The following MAP4K5 variants were observed in gnomAD, a reference collection of about 807,000 sequenced individuals.
MAP4K5 encodes MAPK/ERK kinase kinase kinase 5.
MAP4K5 carries 82 observed loss-of-function variants against 135.6 expected under a neutral mutation model. The ratio of observed to expected loss-of-function variants is 0.60; its 90% CI spans 0.51 to 0.73. The LOEUF is 0.73. Ranked by LOEUF, MAP4K5 falls within the 30% of genes least tolerant of loss-of-function variation. The probability of loss-of-function intolerance (pLI) is 0.00; values close to 1 mark genes in which losing one functional copy is unlikely to be tolerated. For synonymous variants in MAP4K5, 347 were observed against 335.0 expected (o/e 1.04, Z -0.39); for missense variants, 907 against 1,010.9 (o/e 0.90, Z 1.39).
chr14:50,445,934 T>G (rs2036337059), intron 17 of MAP4K5, 145 bp downstream of exon 17: 1 of 483,988 alleles, frequency 2.1e-6, no homozygotes, highest in Non-Finnish European at 3.6e-6. Flanking sequence ...CTATATATTT[T>G]ACACCATCAT....
chr14:50,492,884 G>T (rs1261509301), intron 3 of MAP4K5, among the ~76,000 whole-genome samples: 1 of 151,734 alleles, frequency 6.6e-6, no homozygotes, highest in Non-Finnish European at 1.5e-5. Context: ...TATAAAGAAT[G>T]TAAGCCACGT....
chr14:50,509,879 C>T (rs921617990), intron 2 of MAP4K5, among the ~76,000 whole-genome samples: 60 of 152,140 alleles, frequency 3.9e-4, no homozygotes, highest in African/African-American at 1.4e-3. Flanking sequence ...TTTGAACATA[C>T]AGTATAAGTT....
intron 29 of MAP4K5, 148 bp downstream of exon 29, chr14:50,429,044 T>C: frequency 1.7e-6 from 1 of 584,480 alleles, no homozygotes; most frequent in South Asian, 2.6e-5. Context: ...TATTTAGCCA[T>C]AAGAGGTGAT....
At chr14:50,554,354 G>A (rs2038739556) in intron 1 of MAP4K5, among the ~76,000 whole-genome samples, 1 of 152,106 alleles carries the variant, frequency 6.6e-6, no homozygotes, top group South Asian at 2.1e-4. Flanking sequence ...TTTTTATGAT[G>A]TTTTGTATAC....
intron 2 of MAP4K5, among the ~76,000 whole-genome samples, chr14:50,526,671 T>C (rs888098662): frequency 1.3e-5 from 2 of 152,210 alleles, no homozygotes; most frequent in Non-Finnish European, 2.9e-5. Context: ...CCCCATATCC[T>C]AACACATTGT....
In MAP4K5 at chr14:50,434,876, T is replaced by C. The variant is rs1404208423; in HGVS notation, c.1986+86A>G. 5 of 739,520 alleles carry C rather than the reference T, an allele frequency of 6.8e-6. No homozygotes were observed. In the African/African-American group the frequency reaches 7.1e-5, roughly 10 times the overall value. 45.8% of individuals were successfully genotyped at this position (739,520 alleles called of 1,614,324 possible). On this transcript the variant is annotated intron_variant, in intron 27 of 32. Coordinates refer to ENST00000682126, the MANE Select transcript of MAP4K5 (RefSeq NM_006575.6). Reference sequence around the variant, plus strand: ...TAACTATAAATGTTCTGACCCTAGATAGTAGTATTGGGATCTGCTAATTTT... The same window carrying C: ...TAACTATAAATGTTCTGACCCTAGACAGTAGTATTGGGATCTGCTAATTTT...
chr14:50,476,391 A>G (rs2037099663), intron 6 of MAP4K5, 85 bp from the exon 7 acceptor site: 4 of 631,708 alleles, frequency 6.3e-6, no homozygotes, highest in Admixed American at 4.0e-5. Context: ...TTCTTATTGA[A>G]TAAGAAAAAC....
intron 13 of MAP4K5, 51 bp from the exon 14 acceptor site, chr14:50,456,645 T>C: frequency 8.5e-7 from 1 of 1,179,210 alleles, no homozygotes; most frequent in Non-Finnish European, 1.2e-6. Context: ...AATGAGAAAG[T>C]TAAAAGGTCA....
intron 2 of MAP4K5, among the ~76,000 whole-genome samples, chr14:50,513,890 T>C (rs1449377788): frequency 1.3e-5 from 2 of 152,206 alleles, no homozygotes; most frequent in Non-Finnish European, 2.9e-5. Context: ...CTCAGAGTCA[T>C]AATTATGTAT....
chr14:50,531,582 CCTGT>C (rs1038105733), intron 2 of MAP4K5, among the ~76,000 whole-genome samples: 9 of 152,122 alleles, frequency 5.9e-5, no homozygotes, highest in South Asian at 2.1e-4. Context: ...AATATTCTTT[CCTGT>C]CTATCTTCCA....
intron 6 of MAP4K5, among the ~76,000 whole-genome samples, chr14:50,480,581 T>C (rs2037216509): frequency 6.6e-6 from 1 of 152,184 alleles, no homozygotes; most frequent in African/African-American, 2.4e-5. Flanking sequence ...CCCCGGCTTA[T>C]TTCACATAAC....
rs1444988298 is a variant in MAP4K5 at position 50,531,253 on chromosome 14, A to G, written c.108+689T>C. On this transcript the variant is annotated intron_variant, in intron 2 of 32. Transcript: ENST00000682126. ...TAACTTACTCTCATCGTTTGTCTTAAGTAATACAAAACAGCACAATACAAA... is the reference window on the plus strand; with the variant it reads ...TAACTTACTCTCATCGTTTGTCTTAGGTAATACAAAACAGCACAATACAAA... Among the ~76,000 whole-genome samples the G allele has an allele frequency of 2.0e-5, 3 of 152,246 alleles. No homozygotes were observed. In the East Asian group the frequency reaches 5.8e-4, roughly 29 times the overall value.
intron 2 of MAP4K5, among the ~76,000 whole-genome samples, chr14:50,519,416 A>G (rs945510952): frequency 1.3e-5 from 2 of 152,132 alleles, no homozygotes; most frequent in African/African-American, 4.8e-5. Context: ...GCACTTCGGG[A>G]GGTCAAGAAG....
Position 50,550,582 on chromosome 14 carries a change from G to A in MAP4K5, c.-179-7998C>T, listed in dbSNP as rs970945601. Among the ~76,000 whole-genome samples, 8 of 152,328 alleles carry A rather than the reference G, an allele frequency of 5.3e-5. No individual in the cohort carries two copies. The South Asian group carries it at 1.0e-3, about 20-fold the overall frequency. ...CCAATAAGGCAACCCAGGATCACTA[G>A]GGATTGTCTCTGCAGGAAGGCCTGA... On this transcript the variant is annotated intron_variant, in intron 1 of 8. Coordinates refer to the MAP4K5 transcript ENST00000555216.
chr14:50,437,881 T>G lies in MAP4K5; in HGVS notation c.1823+13A>C. On this transcript the variant is annotated intron_variant, in intron 25 of 32. Transcript: ENST00000682126. ...TTCCCCTCATTCAGTAGAATCAAAA[T>G]GATATTTTGTACCTTGGTAGTATTC... 4.8e-6 allele frequency: 7 copies of G among 1,447,428 alleles called. No homozygotes were observed. The highest frequency in any genetic ancestry group is 2.8e-5 in the African/African-American group (2 of 71,400). 89.7% of individuals were successfully genotyped at this position (1,447,428 alleles called of 1,614,324 possible).
At chr14:50,449,779 A>T (rs2036439926) in intron 14 of MAP4K5, 1 of 152,232 alleles carries the variant, frequency 6.6e-6, no homozygotes, top group Non-Finnish European at 1.5e-5. Context: ...ATTAAAAAAC[A>T]TCTGAATTCA....
At chr14:50,457,634 T>TA (rs1448862296) in intron 13 of MAP4K5, among the ~76,000 whole-genome samples, 2 of 152,322 alleles carry the variant, frequency 1.3e-5, no homozygotes, top group African/African-American at 2.4e-5. Context: ...CACTCTCATA[T>TA]ATTTCAATGT....
intron 5 of MAP4K5, among the ~76,000 whole-genome samples, chr14:50,483,504 T>C (rs912376315): frequency 6.6e-6 from 1 of 151,994 alleles, no homozygotes; most frequent in African/African-American, 2.4e-5. Flanking sequence ...CTTAGTAACA[T>C]GATAAATAGT....
upstream of MAP4K5, among the ~76,000 whole-genome samples, chr14:50,537,317 T>G (rs144375949): frequency 2.5e-3 from 377 of 152,324 alleles, 2 homozygotes; most frequent in African/African-American, 8.5e-3. Context: ...TTTGGGAATC[T>G]TTGCCTAGAT....
Sources: gnomAD v4.1 joint callset for allele counts (sites outside exome capture counted in the v4.1 genomes callset) on GRCh38, gnomAD v4.1.1 for gene constraint, MANE v1.5 for transcripts, NCBI Gene and HGNC (gene_info 2026-07-23, HGNC 2026-07-21) for gene names.